Variants in CLCN1 observed in about 807,000 individuals in gnomAD.
CLCN1 encodes chloride channel protein 1.
In CLCN1, 100 loss-of-function variants were observed where a neutral mutation model predicts 114.5. The observed-to-expected ratio is 0.87, with a 90% CI of 0.74 to 1.03. CLCN1 has a LOEUF of 1.03. Among genes scored for constraint, CLCN1 ranks in the 50% least tolerant of loss-of-function variants. CLCN1 has a pLI of 0.00. For missense variants in CLCN1, 1,188 were observed against 1,250.0 expected, an observed-to-expected ratio of 0.95 and a Z score of 0.75; for synonymous variants, 485 against 487.1, an observed-to-expected ratio of 1.00 and a Z score of 0.06.
intron 8 of CLCN1, 58 bp downstream of exon 8, chr7:143,330,955 G>T: frequency 6.2e-7 from 1 of 1,612,858 alleles, no homozygotes; most frequent in Non-Finnish European, 8.5e-7. Context: ...GGAATGGGGT[G>T]CAGAGGAAAA....
chr7:143,334,661 T>C (rs1802823576), intron 12 of CLCN1, among the ~76,000 whole-genome samples: 1 of 152,206 alleles, frequency 6.6e-6, no homozygotes, highest in Non-Finnish European at 1.5e-5. Context: ...AGACAGCAGA[T>C]ACGTGAAACA....
Position 143,321,168 on chromosome 7 carries a change from G to C in CLCN1, c.434-197G>C, listed in dbSNP as rs530685670. 2.0e-5 allele frequency among the ~76,000 whole-genome samples: 3 copies of C among 152,174 alleles called. No individual in the cohort carries two copies. The highest frequency in any genetic ancestry group is 4.4e-5 in the Non-Finnish European group (3 of 68,026). ...CAGACCCTGTACTCCAGTGGGATTC[G>C]TGACACAGCCACCAACTGGAACAGG... On this transcript the variant is annotated intron_variant, in intron 3 of 22. Transcript: ENST00000343257. This position sits in a 1 kb window ranked among gnomAD's most constrained non-coding sequence, Gnocchi z 4.2.
At chr7:143,346,503 G>T (rs1462419351) in intron 18 of CLCN1, 76 bp from the exon 19 acceptor site, 21 of 1,085,500 alleles carry the variant, frequency 1.9e-5, no homozygotes, top group Middle Eastern at 2.1e-4. Context: ...GGAGGCAAAT[G>T]TTAGGCACTG....
In CLCN1 at chr7:143,326,945, T is replaced by A. The variant is rs116669643; in HGVS notation, c.853+2453T>A. ...ATGCTTGGTTAAAGAGAGTTTTTTT[T>A]AAACTAAAAAAGTTATCAGTGGCCA... On this transcript the variant is annotated intron_variant, in intron 7 of 22. Transcript: ENST00000343257. Among the ~76,000 whole-genome samples the A allele has an allele frequency of 9.4e-3, 1,430 of 152,280 alleles. 26 individuals carry two copies. The highest frequency in any genetic ancestry group is 0.032 in the African/African-American group (1,337 of 41,544).
intron 20 of CLCN1, among the ~76,000 whole-genome samples, chr7:143,347,600 G>A (rs6950437): frequency 0.45 from 62,126 of 139,320 alleles, 13,927 homozygotes; most frequent in East Asian, 0.63. Context: ...CAGCCTGGGT[G>A]ACAGATCCAG....
At chr7:143,332,304 C>T (rs1802746260) in intron 10 of CLCN1, 115 bp from the exon 11 acceptor site, 2 of 861,058 alleles carry the variant, frequency 2.3e-6, no homozygotes, top group South Asian at 2.7e-5. Context: ...GAATCTTTTT[C>T]ATTTAAAGAA....
At chr7:143,345,889 G>T (rs1803229628) in intron 17 of CLCN1, 127 bp downstream of exon 17, 1 of 1,369,168 alleles carries the variant, frequency 7.3e-7, no homozygotes, top group African/African-American at 1.4e-5. Flanking sequence ...AGAGGGAGGG[G>T]AGAGTCTGGT....
At position 143,321,888 on chromosome 7, in the gene CLCN1, C is replaced by T. The variant is rs567732602; in HGVS notation, c.696+40C>T. The T allele has an allele frequency of 2.5e-4, 397 of 1,607,256 alleles. 5 individuals are homozygous for T. The South Asian group carries it at 4.3e-3, about 17-fold the overall frequency. ...ACTGAAGCCAGAGCTGGGAGGGGCC[C>T]TCAGGAGCCAGGGTGGCACCAACTC... On this transcript the variant is annotated intron_variant, in intron 5 of 22. Coordinates refer to ENST00000343257, the MANE Select transcript of CLCN1 (RefSeq NM_000083.3). This position sits in a 1 kb window ranked among gnomAD's most constrained non-coding sequence, Gnocchi z 4.2.
rs1563075987 is a variant in CLCN1, at chr7:143,324,522, CGGCTTGCCTGGCCT to C, written c.853+35_853+48del. The C allele has an allele frequency of 6.4e-7, 1 of 1,563,118 alleles. No homozygotes were observed. Among genetic ancestry groups the C allele is most frequent in the Non-Finnish European group, 8.8e-7 (1 of 1,133,618 alleles). The stretch of plus-strand genomic sequence containing the variant: ...GTGATTGACCCCCTCCCCCATCAAT[CGGCTTGCCTGGCCT>C]GGCTCCCAAAACAGTTTTAATCAGT... On this transcript the variant is annotated intron_variant, in intron 7 of 22. Coordinates refer to ENST00000343257, the MANE Select transcript of CLCN1 (RefSeq NM_000083.3). This position sits in a 1 kb window ranked among gnomAD's most constrained non-coding sequence, Gnocchi z 4.6.
chr7:143,332,634 T>C, intron 11 of CLCN1, 90 bp from the exon 12 acceptor site: 4 of 1,565,228 alleles, frequency 2.6e-6, no homozygotes, highest in Non-Finnish European at 3.5e-6. Context: ...AAGAGACCCT[T>C]GAATAATGAG....
chr7:143,340,703 T>G (rs1803054391), intron 14 of CLCN1, among the ~76,000 whole-genome samples: 2 of 152,142 alleles, frequency 1.3e-5, no homozygotes, highest in Admixed American at 1.3e-4. Flanking sequence ...TGGCTAATTT[T>G]TGTAATTTTA....
At chr7:143,320,565 C>CTCTCTCTCTCTG in intron 2 of CLCN1, 99 bp from the exon 3 acceptor site, 1 of 731,692 alleles carries the variant, frequency 1.4e-6, no homozygotes, top group Non-Finnish European at 2.2e-6. Flanking sequence ...CTCTCTCTCT[C>CTCTCTCTCTCTG]TCTCTCTCTC....
intron 7 of CLCN1, among the ~76,000 whole-genome samples, chr7:143,327,132 G>C (rs1255733383): frequency 6.6e-6 from 1 of 152,090 alleles, no homozygotes; most frequent in African/African-American, 2.4e-5. Flanking sequence ...TGTAGTCCCA[G>C]CTACTTGGGA....
rs748639603 is a variant in CLCN1 at position 143,320,771 on chromosome 7, T to G, written c.409T>G (p.Tyr137Asp). 1.2e-5 allele frequency: 20 copies of G among 1,613,934 alleles called. No homozygotes were observed. The highest frequency in any genetic ancestry group is 1.7e-5 in the Admixed American group (1 of 60,014). ...GGCTCTGGTCAGCTGGAGCATGGAC[T>G]ACGTCAGTGCCAAAAGCCTTCAGGG... ...LMALVSWSMD[Y>D]VSAKSLQAYK... Residue 137 changes from tyrosine to aspartate, a missense_variant, in exon 3 of 23, where the codon TAC becomes GAC. Transcript: ENST00000343257.
chr7:143,332,930 C>T, intron 12 of CLCN1, 57 bp downstream of exon 12: 2 of 1,583,734 alleles, frequency 1.3e-6, no homozygotes, highest in South Asian at 1.1e-5. Context: ...AATCTATGAA[C>T]CCAGGGTTTG....
chr7:143,338,195 G>C (rs1802964548), intron 12 of CLCN1, among the ~76,000 whole-genome samples: 1 of 151,828 alleles, frequency 6.6e-6, no homozygotes, highest in African/African-American at 2.4e-5. Context: ...TTTGTAAAAT[G>C]GTCTCAATTT....
chr7:143,321,213 C>A lies in CLCN1; in HGVS notation c.434-152C>A. 1 of 921,300 alleles carries A rather than the reference C, an allele frequency of 1.1e-6. No individual in the cohort carries two copies. The allele number at this position is 921,300 out of a possible 1,614,324, so 57.1% of individuals were successfully genotyped here. On this transcript the variant is annotated intron_variant, in intron 3 of 22. Transcript: ENST00000343257. This position sits in a 1 kb window ranked among gnomAD's most constrained non-coding sequence, Gnocchi z 4.2. The stretch of plus-strand genomic sequence containing the variant: ...AACAGGCCATGTCGCCTCCATAACT[C>A]AGGCTTCCCATGTGTCAAATGAGAG...
chr7:143,340,858 T>C (rs188479014), intron 14 of CLCN1, among the ~76,000 whole-genome samples: 120 of 152,334 alleles, frequency 7.9e-4, no homozygotes, highest in Non-Finnish European at 1.2e-3. Flanking sequence ...CATTTTCATA[T>C]GTGCCTTCCT....
intron 9 of CLCN1, 58 bp downstream of exon 9, chr7:143,331,374 T>C: frequency 1.5e-6 from 2 of 1,345,432 alleles, no homozygotes; most frequent in Non-Finnish European, 2.1e-6. Context: ...AGGCTGTAGA[T>C]TGGAAGGGAC....
Sources: allele counts gnomAD v4.1 joint callset (sites outside exome capture counted in the v4.1 genomes callset), GRCh38; gene constraint gnomAD v4.1.1; non-coding constraint Gnocchi (gnomAD v3.1); transcripts MANE v1.5; gene names NCBI Gene and HGNC (gene_info 2026-07-23, HGNC 2026-07-21).